Variants in TNFAIP8L3 observed in about 807,000 individuals in gnomAD.
TNFAIP8L3 encodes the protein TNF alpha induced protein 8 like 3.
In TNFAIP8L3, 7 loss-of-function variants were observed where a neutral mutation model predicts 11.8. That is an observed-to-expected ratio of 0.59 (90% CI 0.34 to 1.11). TNFAIP8L3 has a LOEUF of 1.11. Ranked by LOEUF, TNFAIP8L3 falls within the 50% of genes most tolerant of loss-of-function variation. The probability of loss-of-function intolerance (pLI) is 0.03; values close to 1 mark genes in which losing one functional copy is unlikely to be tolerated. For missense variants in TNFAIP8L3, 219 were observed against 258.6 expected, an observed-to-expected ratio of 0.85 and a Z score of 1.05; for synonymous variants, 98 against 103.8, an observed-to-expected ratio of 0.94 and a Z score of 0.34.
chr15:51,081,918 C>A lies in TNFAIP8L3; in HGVS notation c.52+12626G>T, dbSNP rs548672073. ...CATTCTCCCTCTCTTATTCCCTGATCTCTCCTTTTAAAATCACAGTGGTCA... is the reference window on the plus strand; with the variant it reads ...CATTCTCCCTCTCTTATTCCCTGATATCTCCTTTTAAAATCACAGTGGTCA... On this transcript the variant is annotated intron_variant, in intron 1 of 1. Coordinates refer to ENST00000637513, the MANE Select transcript of TNFAIP8L3 (RefSeq NM_001311175.2). Among the ~76,000 whole-genome samples, 3 of 152,272 alleles carry A rather than the reference C, an allele frequency of 2.0e-5. No homozygotes were observed. The East Asian group carries it at 5.8e-4, about 29-fold the overall frequency.
At chr15:51,077,728 T>C (rs2140972987) in intron 1 of TNFAIP8L3, among the ~76,000 whole-genome samples, 1 of 152,298 alleles carries the variant, frequency 6.6e-6, no homozygotes, top group Non-Finnish European at 1.5e-5. Context: ...CGACAGCTTC[T>C]CGCTTAATAA....
At chr15:51,085,751 C>T (rs895675748) in intron 1 of TNFAIP8L3, among the ~76,000 whole-genome samples, 3 of 151,888 alleles carry the variant, frequency 2.0e-5, no homozygotes, top group Non-Finnish European at 2.9e-5. Flanking sequence ...GTCAACATTT[C>T]AGAAACAGGA....
Position 51,094,058 on chromosome 15 carries a change from G to A in TNFAIP8L3, c.52+486C>T, listed in dbSNP as rs915128840. Among the ~76,000 whole-genome samples the A allele has an allele frequency of 6.6e-6, 1 of 152,096 alleles. No homozygotes were observed. The highest frequency in any genetic ancestry group is 1.5e-5 in the Non-Finnish European group (1 of 68,014). On this transcript the variant is annotated intron_variant, in intron 1 of 1. Transcript: ENST00000637513. The surrounding 1 kb of genome is among the most constrained non-coding windows in gnomAD (Gnocchi z 4.4). ...CCTAGCAGCCTCGGGAACCGCGGCC[G>A]CAAGCTGTGGTTTGACCCCTGCCCC...
chr15:51,101,959 AAAAAAGAAAAG>A (rs1340444485), intron 1 of TNFAIP8L3, among the ~76,000 whole-genome samples: 3 of 151,682 alleles, frequency 2.0e-5, no homozygotes, highest in Admixed American at 6.6e-5. Flanking sequence ...AAAAAAAAAA[AAAAAAGAAAAG>A]AAAAAGAAAA....
intron 1 of TNFAIP8L3, among the ~76,000 whole-genome samples, chr15:51,088,946 G>A (rs1323155340): frequency 6.6e-6 from 1 of 151,862 alleles, no homozygotes; most frequent in Non-Finnish European, 1.5e-5. Flanking sequence ...GCTTATTTTG[G>A]GGGTGTAAAG....
chr15:51,077,501 G>C lies in TNFAIP8L3; in HGVS notation c.52+17043C>G, dbSNP rs540606145. On this transcript the variant is annotated intron_variant, in intron 1 of 1. Transcript: ENST00000637513. ...CCACCCCGCTCCCATCTTATGCAAG[G>C]GGGCCTAGTCAAGGAACCCCCACCT... 2.1e-4 allele frequency among the ~76,000 whole-genome samples: 32 copies of C among 152,316 alleles called. 1 individual carries two copies. In the South Asian group the frequency reaches 6.4e-3, roughly 31 times the overall value.
At position 51,094,460 on chromosome 15, in the gene TNFAIP8L3, G is replaced by A; in HGVS notation, c.52+84C>T. 1 of 1,342,964 alleles carries A rather than the reference G, an allele frequency of 7.4e-7. No individual in the cohort carries two copies. Among genetic ancestry groups the A allele is most frequent in the Non-Finnish European group, 9.6e-7 (1 of 1,040,480 alleles). The allele number at this position is 1,342,964 out of a possible 1,614,324, so 83.2% of individuals were successfully genotyped here. ...GCCTGGAAGGGGTCGGGCTGCTGAG[G>A]ATCGGCTTCCCGATTTCATGCCCCA... is the stretch of plus-strand genomic sequence containing the variant. On this transcript the variant is annotated intron_variant, in intron 1 of 1. Coordinates refer to ENST00000637513, the MANE Select transcript of TNFAIP8L3 (RefSeq NM_001311175.2). The surrounding 1 kb of genome is among the most constrained non-coding windows in gnomAD (Gnocchi z 4.4).
rs553910672 is a variant in TNFAIP8L3, at chr15:51,094,826, A to G, written c.-231T>C. 1.4e-3 allele frequency: 716 copies of G among 499,138 alleles called. 7 individuals are homozygous for G. The African/African-American group carries it at 0.014, about 10-fold the overall frequency. The allele number at this position is 499,138 out of a possible 1,614,324, so 30.9% of individuals were successfully genotyped here. On this transcript the variant is annotated 5_prime_UTR_variant, in exon 1 of 2. Coordinates refer to ENST00000637513, the MANE Select transcript of TNFAIP8L3 (RefSeq NM_001311175.2). This position sits in a 1 kb window ranked among gnomAD's most constrained non-coding sequence, Gnocchi z 4.4. ...CGGTGCCTGCGCGCGAGGCGAGCGC[A>G]GGGCGGAGGGTGGGGCGCTCCGGGA...
chr15:51,069,995 A>T (rs969340243), intron 1 of TNFAIP8L3, among the ~76,000 whole-genome samples: 2 of 152,240 alleles, frequency 1.3e-5, no homozygotes, highest in Non-Finnish European at 2.9e-5. Flanking sequence ...TTTTAAATAC[A>T]AAAGGGCCAG....
chr15:51,064,237 A>G (rs1177060209), intron 1 of TNFAIP8L3, among the ~76,000 whole-genome samples: 2 of 152,206 alleles, frequency 1.3e-5, no homozygotes, highest in Admixed American at 1.3e-4. Flanking sequence ...CCCATGATTT[A>G]TAACAGTGTC....
chr15:51,063,855 A>C lies in TNFAIP8L3; in HGVS notation c.53-5412T>G, dbSNP rs542260808. Among the ~76,000 whole-genome samples the C allele has an allele frequency of 1.4e-4, 21 of 152,352 alleles. No homozygotes were observed. In the South Asian group the frequency reaches 3.9e-3, roughly 29 times the overall value. ...GGGCTCTGAAGGTGGATTTGCATGT[A>C]GGTAGGGACAGCTATGACGTTAGGA... On this transcript the variant is annotated intron_variant, in intron 1 of 1. Coordinates refer to ENST00000637513, the MANE Select transcript of TNFAIP8L3 (RefSeq NM_001311175.2).
At chr15:51,098,233 G>A (rs1012326385), upstream of TNFAIP8L3, among the ~76,000 whole-genome samples, 2 of 152,190 alleles carry the variant, frequency 1.3e-5, no homozygotes, top group South Asian at 4.1e-4. Context: ...GTCTCCTCTT[G>A]TGGGATGGAA....
chr15:51,080,412 CT>C (rs945966673), intron 1 of TNFAIP8L3, among the ~76,000 whole-genome samples: 67 of 148,216 alleles, frequency 4.5e-4, no homozygotes, highest in African/African-American at 9.3e-4. Flanking sequence ...ACTGCTTCCA[CT>C]TTTTTTTTTT....
intron 1 of TNFAIP8L3, among the ~76,000 whole-genome samples, chr15:51,090,901 G>A (rs2065463521): frequency 6.6e-6 from 1 of 151,576 alleles, no homozygotes; most frequent in Admixed American, 6.6e-5. Context: ...CCTCAGCTGG[G>A]TAGGCTGTCT....
intron 1 of TNFAIP8L3, among the ~76,000 whole-genome samples, chr15:51,061,901 C>G (rs1048762571): frequency 1.3e-5 from 2 of 152,038 alleles, no homozygotes; most frequent in Non-Finnish European, 2.9e-5. Flanking sequence ...GGTGTCTTAC[C>G]AAAAGAATCA....
intron 1 of TNFAIP8L3, among the ~76,000 whole-genome samples, chr15:51,065,583 A>G (rs1225251221): frequency 6.6e-6 from 1 of 152,212 alleles, no homozygotes; most frequent in Non-Finnish European, 1.5e-5. Flanking sequence ...GATGGTTATA[A>G]AACATGACAG....
intron 1 of TNFAIP8L3, among the ~76,000 whole-genome samples, chr15:51,066,131 C>T (rs1158141161): frequency 8.0e-5 from 12 of 149,596 alleles, no homozygotes; most frequent in Admixed American, 1.3e-4. Flanking sequence ...ACGGAGCAGG[C>T]TCACAAACTG....
intron 1 of TNFAIP8L3, among the ~76,000 whole-genome samples, chr15:51,103,126 G>A (rs527592631): frequency 1.5e-3 from 227 of 151,868 alleles, no homozygotes; most frequent in Middle Eastern, 6.8e-3. Context: ...TCTTCTCTTG[G>A]CATTGTCCTT....
At chr15:51,089,621 A>C (rs2065452959) in intron 1 of TNFAIP8L3, among the ~76,000 whole-genome samples, 1 of 152,182 alleles carries the variant, frequency 6.6e-6, no homozygotes, top group African/African-American at 2.4e-5. Flanking sequence ...TAAAACACTA[A>C]AACAAAACAA....
Sources: gnomAD v4.1 joint callset for allele counts (sites outside exome capture counted in the v4.1 genomes callset) on GRCh38, gnomAD v4.1.1 for gene constraint, Gnocchi (gnomAD v3.1) non-coding constraint, MANE v1.5 for transcripts, NCBI Gene and HGNC (gene_info 2026-07-23, HGNC 2026-07-21) for gene names.